Variants in ABCA8 observed in about 807,000 individuals in gnomAD.
ABCA8 encodes ABC-type organic anion transporter ABCA8.
ABCA8 carries 177 observed loss-of-function variants against 192.3 expected under a neutral mutation model. The ratio of observed to expected loss-of-function variants is 0.92; its 90% CI spans 0.81 to 1.04. ABCA8 has a LOEUF of 1.04. Among genes scored for constraint, ABCA8 ranks in the 50% least tolerant of loss-of-function variants. The probability of loss-of-function intolerance (pLI) is 0.00; values close to 1 mark genes in which losing one functional copy is unlikely to be tolerated. For missense variants in ABCA8, 1,915 were observed against 1,904.8 expected, an observed-to-expected ratio of 1.01 and a Z score of -0.10; for synonymous variants, 642 against 690.2, an observed-to-expected ratio of 0.93 and a Z score of 1.09.
chr17:68,905,489 G>C (rs140191211), intron 19 of ABCA8, among the ~76,000 whole-genome samples: 270 of 152,148 alleles, frequency 1.8e-3, no homozygotes, highest in South Asian at 4.4e-3. Context: ...GAATGAAAAA[G>C]TGCAGTATCA....
In ABCA8 at chr17:68,941,975, A is replaced by G. The variant is rs140196614; in HGVS notation, c.60T>C (p.Phe20=). 5.0e-6 allele frequency: 8 copies of G among 1,612,992 alleles called. No homozygotes were observed. The African/African-American group carries it at 1.1e-4, about 22-fold the overall frequency. Residue 20 remains phenylalanine, a synonymous_variant, in exon 3 of 40, where the codon TTT becomes TTC. Transcript: ENST00000586539. The part of the protein sequence containing the change: ...QQTWALLCKN[F]LKKWRMKRES... ...CTCTTTTCATTCTCCATTTTTTAAG[A>G]AAGTTCTTGCATAATAAGGCCCAAG...
intron 14 of ABCA8, among the ~76,000 whole-genome samples, chr17:68,918,930 C>CAAAAAAAAAAAAAAAAAAAAAAAAAAAA (rs34377045): frequency 2.2e-5 from 1 of 45,954 alleles, no homozygotes; most frequent in African/African-American, 7.7e-5. Flanking sequence ...AACTCTGTCT[C>CAAAAAAAAAAAAAAAAAAAAAAAAAAAA]AAAAAAAAAA....
chr17:68,913,758 G>T (rs2067281007), intron 17 of ABCA8, among the ~76,000 whole-genome samples: 1 of 151,952 alleles, frequency 6.6e-6, no homozygotes, highest in South Asian at 2.1e-4. Context: ...TTTCAGCAGA[G>T]AATTCACTGC....
intron 23 of ABCA8, among the ~76,000 whole-genome samples, chr17:68,893,085 T>C (rs2066654348): frequency 6.6e-6 from 1 of 152,198 alleles, no homozygotes. Context: ...TGGCCATATA[T>C]ATTATCATAA....
In ABCA8 at chr17:68,908,196, A is replaced by C. The variant is rs144862152; in HGVS notation, c.2139-317T>G. Among the ~76,000 whole-genome samples, 253 of 152,288 alleles carry C rather than the reference A, an allele frequency of 1.7e-3. 2 individuals are homozygous for C. Among genetic ancestry groups the C allele is most frequent in the African/African-American group, 5.9e-3 (246 of 41,558 alleles). ...AAGAGAGGGTGGTCACAGAGTGGAA[A>C]ATACCAGGGTTGCAGTACAGCAAAG... On this transcript the variant is annotated intron_variant, in intron 17 of 39. Coordinates refer to ENST00000586539, the MANE Select transcript of ABCA8 (RefSeq NM_001288985.2).
At chr17:68,870,731 A>C (rs573424214) in intron 37 of ABCA8, among the ~76,000 whole-genome samples, 27 of 152,260 alleles carry the variant, frequency 1.8e-4, no homozygotes, top group African/African-American at 6.5e-4. Flanking sequence ...CATTTACTTC[A>C]TCCATTTATC....
At position 68,927,933 on chromosome 17, in the gene ABCA8, A is replaced by G. The variant is rs77734018; in HGVS notation, c.1256T>C (p.Phe419Ser). 1.5e-3 allele frequency: 2,343 copies of G among 1,600,144 alleles called. 38 individuals carry two copies. The African/African-American group carries it at 0.029, about 20-fold the overall frequency. Residue 419 changes from phenylalanine to serine, a missense_variant, in exon 10 of 40, where the codon TTT becomes TCT. Phe to Ser is a radical substitution (Grantham distance 155). Coordinates refer to ENST00000586539, the MANE Select transcript of ABCA8 (RefSeq NM_001288985.2). Reference protein sequence around the residue: ...TCLYLALAIYFEKILPNEYGH... With the variant: ...TCLYLALAIYSEKILPNEYGH... ...TTACTCACTTGGCAAAATTTTTTCA[A>G]AGTAAATCGCCAATGCCAGATAGAG...
In ABCA8 at chr17:68,902,703, A is replaced by G; in HGVS notation, c.2764+10T>C. On this transcript the variant is annotated intron_variant, in intron 21 of 39. Transcript: ENST00000586539. Reference sequence around the variant, plus strand: ...AAATGTATTTGGAAATCAAGTATCCACCATTTTACCTGTTTTATTGATGAT... The same window carrying G: ...AAATGTATTTGGAAATCAAGTATCCGCCATTTTACCTGTTTTATTGATGAT... 3 of 1,607,984 alleles carry G rather than the reference A, an allele frequency of 1.9e-6. No homozygotes were observed. Among genetic ancestry groups the G allele is most frequent in the East Asian group, 2.2e-5 (1 of 44,820 alleles).
intron 21 of ABCA8, among the ~76,000 whole-genome samples, chr17:68,902,326 G>A (rs189525339): frequency 7.4e-4 from 112 of 152,234 alleles, no homozygotes; most frequent in African/African-American, 1.9e-3. Flanking sequence ...TCGGTATGGG[G>A]TTTCTTTATG....
At chr17:68,899,425 A>C (rs2066850259) in intron 21 of ABCA8, among the ~76,000 whole-genome samples, 1 of 152,114 alleles carries the variant, frequency 6.6e-6, no homozygotes. Flanking sequence ...TACATCATGC[A>C]AGATAAAACC....
intron 11 of ABCA8, among the ~76,000 whole-genome samples, chr17:68,924,463 G>A (rs1270820202): frequency 4.6e-5 from 7 of 152,098 alleles, no homozygotes; most frequent in Admixed American, 2.6e-4. Flanking sequence ...GGGTTTTGTT[G>A]AATTATCTTA....
In ABCA8 at chr17:68,938,701, T is replaced by A. The variant is rs532000083; in HGVS notation, c.302-1586A>T. ...AAATTATAACTCAACTCATAAAAAA[T>A]TATTCAACTCATCAAATTAAATCTC... On this transcript the variant is annotated intron_variant, in intron 4 of 39. Coordinates refer to ENST00000586539, the MANE Select transcript of ABCA8 (RefSeq NM_001288985.2). Among the ~76,000 whole-genome samples the A allele has an allele frequency of 5.9e-5, 9 of 152,278 alleles. 1 individual carries two copies. Among genetic ancestry groups the A allele is most frequent in the Admixed American group, 5.9e-4 (9 of 15,290 alleles).
At chr17:68,919,633 T>A in intron 13 of ABCA8, 157 bp from the exon 14 acceptor site, 1 of 627,892 alleles carries the variant, frequency 1.6e-6, no homozygotes, top group Non-Finnish European at 2.6e-6. Flanking sequence ...CAAAATATGT[T>A]CTCATCTGCA....
intron 4 of ABCA8, among the ~76,000 whole-genome samples, chr17:68,938,739 A>G (rs1376307113): frequency 6.6e-6 from 1 of 152,132 alleles, no homozygotes; most frequent in Non-Finnish European, 1.5e-5. Context: ...TTTACATCCA[A>G]CCATCAATTC....
intron 2 of ABCA8, among the ~76,000 whole-genome samples, chr17:68,947,856 G>A (rs956850742): frequency 3.9e-5 from 6 of 151,918 alleles, no homozygotes; most frequent in African/African-American, 1.2e-4. Context: ...TTTAAGCCCC[G>A]CACGCATTAG....
chr17:68,919,353 A>C lies in ABCA8; in HGVS notation c.1736T>G (p.Leu579Arg). The C allele has an allele frequency of 6.2e-7, 1 of 1,613,772 alleles. No individual in the cohort carries two copies. Among genetic ancestry groups the C allele is most frequent in the South Asian group, 1.1e-5 (1 of 91,012 alleles). ...CCCTTTTATTTTAGCAAAGAGTCTG[A>C]GGTTTTCTCTTACAGTGAGGAAGTC... ...QFDFLTVREN[L>R]RLFAKIKGIL... The change falls in exon 14 of 40, where the codon CTC (leucine) becomes CGC (arginine). Residue 579 changes from leucine (L) to arginine (R), a missense_variant. Physicochemically the swap from Leu to Arg is moderately radical, Grantham distance 102. Coordinates refer to ENST00000586539, the MANE Select transcript of ABCA8 (RefSeq NM_001288985.2).
Position 68,932,094 on chromosome 17 carries a change from C to T in ABCA8, c.797+194G>A, listed in dbSNP as rs2067905715. On this transcript the variant is annotated intron_variant, in intron 7 of 39. Transcript: ENST00000586539. ...GCATGGTGGTCGGCACCTGCAGTCC[C>T]AGCTACTTGGGAGGCCGAGGCAGGA... 6 of 438,724 alleles carry T rather than the reference C, an allele frequency of 1.4e-5. No individual in the cohort carries two copies. In the East Asian group the frequency reaches 2.2e-4, roughly 16 times the overall value. The allele number at this position is 438,724 out of a possible 1,614,324, so 27.2% of individuals were successfully genotyped here. A position where few individuals can be genotyped will look rare whatever the true frequency, so the allele number is the denominator to read the frequency against.
At chr17:68,894,665 T>C (rs892700134) in intron 22 of ABCA8, 2 of 551,262 alleles carry the variant, frequency 3.6e-6, no homozygotes, top group Non-Finnish European at 3.1e-6. Context: ...ATAGTCTTGA[T>C]AGTAGGTATT....
intron 5 of ABCA8, among the ~76,000 whole-genome samples, chr17:68,934,205 G>T: frequency 6.6e-6 from 1 of 151,156 alleles, no homozygotes; most frequent in African/African-American, 2.4e-5. Flanking sequence ...TCTTTTTTAT[G>T]GTTATGGAAT....
Sources: gnomAD v4.1 joint callset for allele counts (sites outside exome capture counted in the v4.1 genomes callset) on GRCh38, gnomAD v4.1.1 for gene constraint, MANE v1.5 for transcripts, NCBI Gene and HGNC (gene_info 2026-07-23, HGNC 2026-07-21) for gene names.